TXLNG: variants seen among roughly 807,000 people sequenced by gnomAD.
TXLNG encodes taxilin gamma, also known as gamma-taxilin.
In TXLNG, 5 loss-of-function variants were observed where a neutral mutation model predicts 38.8. The ratio of observed to expected loss-of-function variants is 0.13; its 90% CI spans 0.07 to 0.27. TXLNG has a LOEUF of 0.27. Ranked by LOEUF, TXLNG falls within the 10% of genes least tolerant of loss-of-function variation. The pLI, the probability that TXLNG is intolerant of heterozygous loss-of-function variation, is 1.00. For synonymous variants in TXLNG, 182 were observed against 158.2 expected, an observed-to-expected ratio of 1.15 and a Z score of -1.13; for missense variants, 393 against 398.2, an observed-to-expected ratio of 0.99 and a Z score of 0.11.
intron 1 of TXLNG, among the ~76,000 whole-genome samples, chrX:16,817,089 G>A (rs960629408): frequency 3.6e-5 from 4 of 111,910 alleles, no homozygotes; most frequent in Non-Finnish European, 7.5e-5. Flanking sequence ...CACAACATAG[G>A]TCTGTGAAAC....
chrX:16,821,654 A>AG (rs1928963012), intron 3 of TXLNG, among the ~76,000 whole-genome samples: 1 of 112,564 alleles, frequency 8.9e-6, no homozygotes, highest in Non-Finnish European at 1.9e-5. Context: ...ATTCCATATC[A>AG]TAAGCCATTA....
Position 16,829,647 on chromosome X carries a change from C to T in TXLNG, c.741C>T (p.Thr247=), listed in dbSNP as rs1386126612. ...RKEATAHFQI[T]LNEIQAQLEQ... ...AAGCAACTGCACATTTCCAGATTAC[C>T]TTAAATGAAATTCAAGCCCAGCTGG... Residue 247 remains threonine (T), a synonymous_variant, in exon 5 of 10, where the codon ACC becomes ACT. Transcript: ENST00000380122. 8.3e-7 allele frequency: 1 copy of T among 1,211,751 alleles called. No individual in the cohort carries two copies.
intron 1 of TXLNG, among the ~76,000 whole-genome samples, chrX:16,804,219 C>G (rs1928231789): frequency 9.0e-6 from 1 of 111,281 alleles, no homozygotes; most frequent in African/African-American, 3.3e-5. Flanking sequence ...GGCCATTTGC[C>G]TTTTTTCCTA....
At chrX:16,801,642 C>T (rs1280794658) in intron 1 of TXLNG, among the ~76,000 whole-genome samples, 1 of 111,889 alleles carries the variant, frequency 8.9e-6, no homozygotes, top group Non-Finnish European at 1.9e-5. Context: ...CTACCTTTCT[C>T]CCAAAGATAG....
chrX:16,824,614 G>A (rs756356204), intron 3 of TXLNG, among the ~76,000 whole-genome samples: 22 of 110,264 alleles, frequency 2.0e-4, no homozygotes, highest in Non-Finnish European at 3.8e-4. Flanking sequence ...GTCAAAAGAT[G>A]CCCTGAAAAA....
At chrX:16,796,723 G>A (rs1015357374) in intron 1 of TXLNG, among the ~76,000 whole-genome samples, 1 of 111,047 alleles carries the variant, frequency 9.0e-6, no homozygotes, top group Non-Finnish European at 1.9e-5. Flanking sequence ...GTCCCAGGGC[G>A]TATTCCCTAG....
At chrX:16,798,505 C>T (rs1343903707) in intron 1 of TXLNG, among the ~76,000 whole-genome samples, 2 of 111,203 alleles carry the variant, frequency 1.8e-5, no homozygotes, top group African/African-American at 6.5e-5. Context: ...GAAAGAGCAG[C>T]AAGTTGGGTT....
intron 1 of TXLNG, among the ~76,000 whole-genome samples, chrX:16,792,346 C>T (rs1254876459): frequency 8.9e-6 from 1 of 111,930 alleles, no homozygotes; most frequent in African/African-American, 3.2e-5. Context: ...TTTCTGCTTA[C>T]CTCGTTAAGT....
intron 3 of TXLNG, among the ~76,000 whole-genome samples, chrX:16,821,303 G>A (rs1928947731): frequency 9.3e-6 from 1 of 107,446 alleles, no homozygotes; most frequent in Non-Finnish European, 1.9e-5. Flanking sequence ...ACCACGCCTG[G>A]CTAATTTTTT....
chrX:16,809,017 A>G (rs1379392221), intron 1 of TXLNG, among the ~76,000 whole-genome samples: 1 of 111,887 alleles, frequency 8.9e-6, no homozygotes. Flanking sequence ...GCCACCACCT[A>G]GATTTTACCT....
chrX:16,801,240 C>A (rs1407586685), intron 1 of TXLNG, among the ~76,000 whole-genome samples: 1 of 111,496 alleles, frequency 9.0e-6, no homozygotes, highest in East Asian at 2.8e-4. Flanking sequence ...GGCTGGAGTG[C>A]AGTGGTGTGA....
intron 1 of TXLNG, among the ~76,000 whole-genome samples, chrX:16,813,637 CA>C (rs150200590): frequency 0.051 from 2,273 of 44,222 alleles, 86 homozygotes; most frequent in African/African-American, 0.16. Context: ...ACCTCGTCTC[CA>C]AAAAAAAAAA....
Position 16,820,207 on chromosome X carries a change from A to C in TXLNG, c.450A>C (p.Ser150=). 3 of 1,210,710 alleles carry C rather than the reference A, an allele frequency of 2.5e-6. No individual in the cohort carries two copies. The highest frequency in any genetic ancestry group is 3.4e-6 in the Non-Finnish European group (3 of 895,066). ...TGATGCAAGCCCTAAACACCCTTTC[A>C]ACCCCAGAGGAGAAGCTGGCAGCTC... ...LLLMQALNTL[S]TPEEKLAALC... is the part of the protein sequence containing the mutation. The change falls in exon 3 of 10, where the codon TCA becomes TCC. Residue 150 remains serine, a synonymous_variant. Coordinates refer to ENST00000380122, the MANE Select transcript of TXLNG (RefSeq NM_018360.3).
At chrX:16,816,611 C>G (rs1023360515) in intron 1 of TXLNG, among the ~76,000 whole-genome samples, 27 of 112,259 alleles carry the variant, frequency 2.4e-4, no homozygotes, top group African/African-American at 8.7e-4. Context: ...TTTTTTCTAT[C>G]TGAATTAGGC....
At chrX:16,789,701 T>C (rs1316393354) in intron 1 of TXLNG, among the ~76,000 whole-genome samples, 1 of 108,054 alleles carries the variant, frequency 9.3e-6, no homozygotes, top group African/African-American at 3.4e-5. Context: ...AAAAAATTAA[T>C]AGACTTTTTT....
chrX:16,817,842 C>T (rs1356050362), intron 1 of TXLNG, among the ~76,000 whole-genome samples: 1 of 112,085 alleles, frequency 8.9e-6, no homozygotes, highest in Non-Finnish European at 1.9e-5. Context: ...TCTTGTTCAC[C>T]TATAGTCCAG....
chrX:16,834,609 G>A (rs929650536), intron 7 of TXLNG, among the ~76,000 whole-genome samples: 6 of 111,314 alleles, frequency 5.4e-5, no homozygotes, highest in Non-Finnish European at 1.1e-4. Flanking sequence ...GAAATGCCCC[G>A]TCTCAGGCAG....
At chrX:16,811,443 G>A (rs1928512624) in intron 1 of TXLNG, among the ~76,000 whole-genome samples, 2 of 110,221 alleles carry the variant, frequency 1.8e-5, no homozygotes, top group African/African-American at 3.3e-5. Flanking sequence ...TGCAACTTCC[G>A]CCTCCCAGGT....
intron 1 of TXLNG, among the ~76,000 whole-genome samples, chrX:16,816,471 C>T (rs1294885152): frequency 1.8e-5 from 2 of 112,683 alleles, no homozygotes; most frequent in African/African-American, 3.2e-5. Flanking sequence ...CCCCACGATG[C>T]GTGCCATTGT....
Sources: gnomAD v4.1 joint callset for allele counts (sites outside exome capture counted in the v4.1 genomes callset) on GRCh38, gnomAD v4.1.1 for gene constraint, MANE v1.5 for transcripts, NCBI Gene and HGNC (gene_info 2026-07-23, HGNC 2026-07-21) for gene names.